The following BRWD1 variants were observed in gnomAD, a reference collection of about 807,000 sequenced individuals.
BRWD1 encodes bromodomain and WD repeat domain containing 1.
A neutral mutation model predicts 251.2 loss-of-function variants in BRWD1; 82 were observed. That is an observed-to-expected ratio of 0.33 (90% CI 0.27 to 0.39). The LOEUF (loss-of-function observed/expected upper bound fraction) is 0.39. BRWD1 is among the 10% of genes least tolerant of loss of function. BRWD1 has a pLI of 1.00. For missense variants in BRWD1, 2,233 were observed against 2,711.6 expected (o/e 0.82, Z 3.92); for synonymous variants, 918 against 902.8 (o/e 1.02, Z -0.30).
chr21:39,292,694 A>G (rs2035850722), intron 8 of BRWD1, among the ~76,000 whole-genome samples: 1 of 152,012 alleles, frequency 6.6e-6, no homozygotes, highest in South Asian at 2.1e-4. Flanking sequence ...GGCAACATCC[A>G]AACTGTGGGG....
In BRWD1 at chr21:39,187,381, A is replaced by T. The variant is rs1215459240; in HGVS notation, c.*8878T>A. On this transcript the variant is annotated 3_prime_UTR_variant, in exon 41 of 41. Transcript: ENST00000342449. ...CTTCTGATTATGCATACATGTTCTC[A>T]CTTTTGTATTGGGTTCTCTGTCTCT... 11 of 1,596,630 alleles carry T rather than the reference A, an allele frequency of 6.9e-6. No homozygotes were observed. Among genetic ancestry groups the T allele is most frequent in the African/African-American group, 1.4e-5 (1 of 73,978 alleles).
intron 5 of BRWD1, 152 bp downstream of exon 5, chr21:39,298,280 A>G (rs1192707950): frequency 7.7e-7 from 1 of 1,303,906 alleles, no homozygotes; most frequent in African/African-American, 1.5e-5. Flanking sequence ...ATAAAATTCA[A>G]TGTTCTATGC....
At chr21:39,317,474 G>A (rs1183392450), upstream of BRWD1, among the ~76,000 whole-genome samples, 2 of 152,244 alleles carry the variant, frequency 1.3e-5, no homozygotes, top group Non-Finnish European at 2.9e-5. Context: ...AAGCTGAGGC[G>A]CAGAGGAAGT....
At chr21:39,230,671 A>C (rs2033577617) in intron 25 of BRWD1, among the ~76,000 whole-genome samples, 1 of 152,188 alleles carries the variant, frequency 6.6e-6, no homozygotes, top group Non-Finnish European at 1.5e-5. Flanking sequence ...CTAGCACTTA[A>C]GAACACTAGA....
intron 19 of BRWD1, among the ~76,000 whole-genome samples, chr21:39,251,757 A>G (rs945186693): frequency 6.6e-6 from 1 of 152,222 alleles, no homozygotes; most frequent in Non-Finnish European, 1.5e-5. Context: ...AAGGAACCAT[A>G]TAACGAGATT....
At position 39,210,878 on chromosome 21, in the gene BRWD1, A is replaced by C; in HGVS notation, c.3952T>G (p.Trp1318Gly). The change falls in exon 35 of 41, where the codon TGG becomes GGG. Residue 1318 changes from tryptophan (W) to glycine (G), a missense_variant. Coordinates refer to ENST00000342449, the MANE Select transcript of BRWD1 (RefSeq NM_033656.4). ...ACTAGTTCCTTACACTGTTTCTTCC[A>C]GTTGCTTTCAACATAGTTCGTAGCT... ...IRATNYVESN[W>G]KKQCKELVNL... The C allele has an allele frequency of 6.2e-7, 1 of 1,612,728 alleles. No homozygotes were observed. Among genetic ancestry groups the C allele is most frequent in the South Asian group, 1.1e-5 (1 of 90,888 alleles).
At chr21:39,283,060 T>C (rs1237815028) in intron 8 of BRWD1, among the ~76,000 whole-genome samples, 1 of 152,182 alleles carries the variant, frequency 6.6e-6, no homozygotes, top group Admixed American at 6.5e-5. Context: ...AAGCAATTTG[T>C]AGCTATTTCT....
intron 29 of BRWD1, chr21:39,219,644 A>C (rs1271117056): frequency 1.3e-5 from 2 of 152,220 alleles, no homozygotes; most frequent in Admixed American, 1.3e-4. Flanking sequence ...TTCCTCTAGA[A>C]ACATATCCAT....
In BRWD1 at chr21:39,215,376, TA is replaced by T; in HGVS notation, c.3660-15del. ...GCAGACAGCCTCCTTCAAAATAAAG[TA>T]GACAATTTAGGGCTTAGAAAATGAG... is the stretch of plus-strand genomic sequence containing the variant. On this transcript the variant is annotated splice_polypyrimidine_tract_variant and intron_variant, in intron 31 of 40. Transcript: ENST00000342449. The T allele has an allele frequency of 6.2e-7, 1 of 1,609,592 alleles. No homozygotes were observed. The highest frequency in any genetic ancestry group is 8.5e-7 in the Non-Finnish European group (1 of 1,177,612).
At chr21:39,300,985 T>G (rs184001296) in intron 4 of BRWD1, among the ~76,000 whole-genome samples, 12 of 152,324 alleles carry the variant, frequency 7.9e-5, no homozygotes, top group Admixed American at 7.2e-4. Flanking sequence ...GAGACCATCC[T>G]GGCTAACACG....
In BRWD1 at chr21:39,189,659, G is replaced by C. The variant is rs1229231279; in HGVS notation, c.*6600C>G. 1 of 981,494 alleles carries C rather than the reference G, an allele frequency of 1.0e-6. No individual in the cohort carries two copies. Among genetic ancestry groups the C allele is most frequent in the African/African-American group, 1.8e-5 (1 of 57,126 alleles). 60.8% of individuals were successfully genotyped at this position (981,494 alleles called of 1,614,324 possible). ...CAGAGAATAAGGATAAAAACAATCT[G>C]AGGAAGACAAAACTGTGGAGAATTT... On this transcript the variant is annotated 3_prime_UTR_variant, in exon 41 of 41. Transcript: ENST00000342449.
At position 39,192,247 on chromosome 21, in the gene BRWD1, G is replaced by A. The variant is rs948300149; in HGVS notation, c.*4012C>T. On this transcript the variant is annotated 3_prime_UTR_variant, in exon 41 of 41. Coordinates refer to ENST00000342449, the MANE Select transcript of BRWD1 (RefSeq NM_033656.4). The stretch of plus-strand genomic sequence containing the variant: ...GTAAGAAAAGACAACACAGCCCTTA[G>A]CATTACATACTTTACTTTTCAATCC... 3 of 951,086 alleles carry A rather than the reference G, an allele frequency of 3.2e-6. No individual in the cohort carries two copies. The highest frequency in any genetic ancestry group is 4.2e-5 in the African/African-American group (2 of 48,076). 58.9% of individuals were successfully genotyped at this position (951,086 alleles called of 1,614,324 possible).
chr21:39,241,737 G>A (rs1342716688), intron 21 of BRWD1, among the ~76,000 whole-genome samples: 1 of 152,064 alleles, frequency 6.6e-6, no homozygotes, highest in Non-Finnish European at 1.5e-5. Flanking sequence ...ACAAATTGAA[G>A]TTTTGTGACA....
At chr21:39,230,940 A>T (rs780375902) in intron 25 of BRWD1, among the ~76,000 whole-genome samples, 4 of 152,150 alleles carry the variant, frequency 2.6e-5, no homozygotes, top group Non-Finnish European at 1.5e-5. Flanking sequence ...TGTTTGGGGG[A>T]TTACAAATAA....
At chr21:39,304,099 C>T (rs992136580) in intron 4 of BRWD1, among the ~76,000 whole-genome samples, 16 of 142,812 alleles carry the variant, frequency 1.1e-4, no homozygotes, top group African/African-American at 4.2e-4. Context: ...CGAGATTTCG[C>T]CATTGCACTC....
Position 39,200,357 on chromosome 21 carries a change from A to T in BRWD1, c.4615T>A (p.Ser1539Thr). The change falls in exon 39 of 41, where the codon TCT (serine) becomes ACT (threonine). Residue 1539 changes from serine to threonine, a missense_variant. By Grantham distance (58) the Ser-to-Thr change is moderately conservative. Around this residue, in one of 12 missense-constraint regions of BRWD1, gnomAD observed 928 missense variants for 970.0 expected, o/e 0.96. Coordinates refer to ENST00000342449, the MANE Select transcript of BRWD1 (RefSeq NM_033656.4). ...CTACTGGAAGCTGACGATGACAAAG[A>T]GGTAGCTAAAGAATCTTCCACTTCA... ...ESEVEDSLATSLSSSASSSSE... is the reference protein window; with the variant it reads ...ESEVEDSLATTLSSSASSSSE... 6.2e-7 allele frequency: 1 copy of T among 1,612,604 alleles called. No individual in the cohort carries two copies. The highest frequency in any genetic ancestry group is 8.5e-7 in the Non-Finnish European group (1 of 1,179,654).
At chr21:39,279,630 C>A (rs2035386190) in intron 9 of BRWD1, among the ~76,000 whole-genome samples, 2 of 113,234 alleles carry the variant, frequency 1.8e-5, no homozygotes, top group Non-Finnish European at 3.4e-5. Flanking sequence ...CAGAGTGAGA[C>A]TCCATCTCAA....
Position 39,218,654 on chromosome 21 carries a change from G to C in BRWD1, c.3389C>G (p.Pro1130Arg). ...DMEPIPDNVD[P>R]PEELGASISV... ...AATACTAGCTCCTAATTCTTCAGGTGGATCAACTATGAATACCATAAAAAA... is the reference window on the plus strand; with the variant it reads ...AATACTAGCTCCTAATTCTTCAGGTCGATCAACTATGAATACCATAAAAAA... The change falls in exon 30 of 41, where the codon CCA becomes CGA. Residue 1130 changes from proline to arginine, a missense_variant. Coordinates refer to ENST00000342449, the MANE Select transcript of BRWD1 (RefSeq NM_033656.4). The C allele has an allele frequency of 6.3e-7, 1 of 1,596,040 alleles. No individual in the cohort carries two copies. Among genetic ancestry groups the C allele is most frequent in the Non-Finnish European group, 8.5e-7 (1 of 1,175,200 alleles).
chr21:39,282,598 T>A (rs1413762133), intron 8 of BRWD1, among the ~76,000 whole-genome samples: 1 of 152,200 alleles, frequency 6.6e-6, no homozygotes, highest in Non-Finnish European at 1.5e-5. Context: ...GAATTGCTAA[T>A]TGGACAAAAA....
Sources: allele counts gnomAD v4.1 joint callset (sites outside exome capture counted in the v4.1 genomes callset), GRCh38; gene constraint gnomAD v4.1.1; regional missense constraint gnomAD v4.1.1; transcripts MANE v1.5; gene names NCBI Gene and HGNC (gene_info 2026-07-23, HGNC 2026-07-21).